Variants in IL4R observed in about 807,000 individuals in gnomAD.
The protein encoded by IL4R is interleukin-4 receptor subunit alpha.
Under a neutral mutation model 41.5 loss-of-function variants are expected in IL4R, and 17 were observed. The ratio of observed to expected loss-of-function variants is 0.41; its 90% confidence interval spans 0.28 to 0.61. The LOEUF is 0.61. Ranked by LOEUF, IL4R falls within the 20% of genes least tolerant of loss-of-function variation. The pLI, the probability that IL4R is intolerant of heterozygous loss-of-function variation, is 0.31. For missense variants in IL4R, 974 were observed against 1,043.1 expected (o/e 0.93, Z 0.91); for synonymous variants, 402 against 422.9 (o/e 0.95, Z 0.61).
At chr16:27,323,158 T>A (rs138024188) in intron 1 of IL4R, among the ~76,000 whole-genome samples, 27 of 152,364 alleles carry the variant, frequency 1.8e-4, no homozygotes, top group Middle Eastern at 6.8e-3. Context: ...CTCTTACCTG[T>A]GCCCATGTGT....
chr16:27,363,690 C>T lies in IL4R; in HGVS notation c.2338C>T (p.Leu780=). 6.2e-7 allele frequency: 1 copy of T among 1,613,956 alleles called. No individual in the cohort carries two copies. The highest frequency in any genetic ancestry group is 1.1e-5 in the South Asian group (1 of 91,074). Reference sequence around the variant, plus strand: ...GGAGGCCAGTCTGTGTCCGGCCTCCCTGGCACCCTCGGGCATCTCAGAGAA... The same window carrying T: ...GGAGGCCAGTCTGTGTCCGGCCTCCTTGGCACCCTCGGGCATCTCAGAGAA... ...PLEASLCPAS[L]APSGISEKSK... The change falls in exon 11 of 11, where the codon CTG becomes TTG. Residue 780 remains leucine, a synonymous_variant. Coordinates refer to ENST00000395762, the MANE Select transcript of IL4R (RefSeq NM_000418.4).
intron 1 of IL4R, among the ~76,000 whole-genome samples, chr16:27,315,919 GTCCGAGA>G: frequency 6.6e-6 from 1 of 152,272 alleles, no homozygotes; most frequent in East Asian, 1.9e-4. Context: ...TTACCGGCAG[GTCCGAGA>G]TAACCTAAGG....
Position 27,363,154 on chromosome 16 carries a change from C to G in IL4R, c.1802C>G (p.Ala601Gly), listed in dbSNP as rs771384940. 1.2e-6 allele frequency: 2 copies of G among 1,613,138 alleles called. No individual in the cohort carries two copies. The highest frequency in any genetic ancestry group is 2.2e-5 in the East Asian group (1 of 44,876). Residue 601 changes from alanine (A) to glycine (G), a missense_variant, in exon 11 of 11, where the codon GCT (alanine) becomes GGT (glycine). This residue lies in a region of IL4R where 682 missense variants were observed against 704.3 expected (regional missense o/e 0.97). Coordinates refer to ENST00000395762, the MANE Select transcript of IL4R (RefSeq NM_000418.4). ...GTGGGCTTGGGTCCCCCAGGAGAGG[C>G]TGGTTACAAGGCCTTCTCAAGCCTG... The part of the protein sequence containing the change: ...AVVGLGPPGE[A>G]GYKAFSSLLA...
At chr16:27,321,417 G>A (rs1217151387) in intron 1 of IL4R, among the ~76,000 whole-genome samples, 4 of 152,232 alleles carry the variant, frequency 2.6e-5, no homozygotes, top group Admixed American at 6.5e-5. Flanking sequence ...TGGCACATGA[G>A]TCAACTGGTT....
intron 9 of IL4R, chr16:27,359,756 A>G (rs2086215251): frequency 6.6e-6 from 3 of 453,706 alleles, no homozygotes; most frequent in African/African-American, 6.0e-5. Context: ...TATTGAGACA[A>G]TACATATAAA....
intron 9 of IL4R, among the ~76,000 whole-genome samples, chr16:27,359,323 G>A (rs1748617317): frequency 6.6e-6 from 1 of 152,206 alleles, no homozygotes; most frequent in South Asian, 2.1e-4. Context: ...GAGGCCAGAA[G>A]GAGTGGAGGA....
intron 8 of IL4R, among the ~76,000 whole-genome samples, chr16:27,357,145 A>G (rs1049382805): frequency 2.0e-5 from 3 of 152,160 alleles, no homozygotes; most frequent in African/African-American, 7.2e-5. Flanking sequence ...ATATCTTGTC[A>G]CTGATGCCTC....
At chr16:27,328,683 G>A (rs2085031190) in intron 1 of IL4R, among the ~76,000 whole-genome samples, 1 of 152,162 alleles carries the variant, frequency 6.6e-6, no homozygotes, top group Admixed American at 6.6e-5. Flanking sequence ...GGGGCTTGTG[G>A]TCTCTCAGAG....
At chr16:27,354,700 G>A (rs940340786) in intron 7 of IL4R, among the ~76,000 whole-genome samples, 2 of 152,202 alleles carry the variant, frequency 1.3e-5, no homozygotes, top group Non-Finnish European at 1.5e-5. Context: ...GAGGAGTAAG[G>A]GCTGTCGTAA....
chr16:27,350,187 T>C (rs1338755480), intron 6 of IL4R, among the ~76,000 whole-genome samples: 1 of 152,242 alleles, frequency 6.6e-6, no homozygotes, highest in Admixed American at 6.5e-5. Flanking sequence ...AGTAGTTCTT[T>C]GGAAGCTCAG....
At chr16:27,351,512 T>TCTC (rs1567327620) in intron 6 of IL4R, among the ~76,000 whole-genome samples, 20 of 22,846 alleles carry the variant, frequency 8.8e-4, no homozygotes, top group Middle Eastern at 0.036. Flanking sequence ...CTCTCTCTCT[T>TCTC]TTTTTTTTTT....
At chr16:27,356,678 C>T (rs3024648) in intron 8 of IL4R, among the ~76,000 whole-genome samples, 135,796 of 152,060 alleles carry the variant, frequency 0.89, 61,122 homozygotes, top group Middle Eastern at 0.96. Context: ...CTGGGGGCAT[C>T]TGGGGGCATG....
At chr16:27,340,307 G>A in intron 3 of IL4R, 34 bp downstream of exon 3, 1 of 1,540,200 alleles carries the variant, frequency 6.5e-7, no homozygotes, top group Non-Finnish European at 9.0e-7. Context: ...TCATTTGTTG[G>A]CTATTAATGG....
At chr16:27,334,478 A>T (rs1392876632) in intron 2 of IL4R, 2 of 152,070 alleles carry the variant, frequency 1.3e-5, no homozygotes, top group African/African-American at 4.8e-5. Context: ...CCATGCTGGG[A>T]TGTTTTAGTG....
chr16:27,363,944 A>G lies in IL4R; in HGVS notation c.*114A>G. The G allele has an allele frequency of 7.8e-7, 1 of 1,277,086 alleles. No individual in the cohort carries two copies. The highest frequency in any genetic ancestry group is 1.1e-6 in the Non-Finnish European group (1 of 926,980). The allele number at this position is 1,277,086 out of a possible 1,614,324, so 79.1% of individuals were successfully genotyped here. On this transcript the variant is annotated 3_prime_UTR_variant, in exon 11 of 11. Coordinates refer to ENST00000395762, the MANE Select transcript of IL4R (RefSeq NM_000418.4). ...TGGCAGATTTCCAAAAGACTTGAAG[A>G]ACCATGGTATGAAGGTGATTGGCCC...
At chr16:27,360,531 T>C (rs987144157) in intron 9 of IL4R, among the ~76,000 whole-genome samples, 1 of 152,194 alleles carries the variant, frequency 6.6e-6, no homozygotes, top group African/African-American at 2.4e-5. Flanking sequence ...ATTCAAGGGA[T>C]GGGAGGAGAT....
intron 8 of IL4R, among the ~76,000 whole-genome samples, chr16:27,357,980 G>A (rs563601704): frequency 9.4e-5 from 14 of 149,598 alleles, no homozygotes; most frequent in South Asian, 2.1e-4. Context: ...TGCAACCTCC[G>A]CCTTCCGGGT....
chr16:27,314,647 G>A (rs1295624838), intron 1 of IL4R, among the ~76,000 whole-genome samples: 1 of 152,094 alleles, frequency 6.6e-6, no homozygotes, highest in African/African-American at 2.4e-5. Context: ...GCCCTAAGGT[G>A]CCGCCCACTT....
At chr16:27,343,419 G>GTTTA (rs2085508108) in intron 4 of IL4R, among the ~76,000 whole-genome samples, 1 of 151,330 alleles carries the variant, frequency 6.6e-6, no homozygotes, top group Non-Finnish European at 1.5e-5. Context: ...TTTTTTGTTT[G>GTTTA]TTTGTTTGTT....
Sources: allele counts gnomAD v4.1 joint callset (sites outside exome capture counted in the v4.1 genomes callset), GRCh38; gene constraint gnomAD v4.1.1; regional missense constraint gnomAD v4.1.1; transcripts MANE v1.5; gene names NCBI Gene and HGNC (gene_info 2026-07-23, HGNC 2026-07-21).